The following CDH23 variants were observed in gnomAD, a reference collection of about 807,000 sequenced individuals.
CDH23 encodes the protein cadherin related 23.
A neutral mutation model predicts 317.1 loss-of-function variants in CDH23; 189 were observed. That is an observed-to-expected ratio of 0.60 (90% CI 0.53 to 0.67). The LOEUF (loss-of-function observed/expected upper bound fraction) is 0.67, where lower values mean the gene tolerates loss of function less well. Ranked by LOEUF, CDH23 falls within the 30% of genes least tolerant of loss-of-function variation. CDH23 has a pLI of 0.00. For synonymous variants in CDH23, 1,839 were observed against 1,876.8 expected (o/e 0.98, Z 0.52); for missense variants, 4,401 against 4,592.4 (o/e 0.96, Z 1.20).
chr10:71,720,122 C>T lies in CDH23; in HGVS notation c.3370-3923C>T, dbSNP rs1377576665. 2.0e-5 allele frequency among the ~76,000 whole-genome samples: 3 copies of T among 152,346 alleles called. No homozygotes were observed. In the East Asian group the frequency reaches 5.8e-4, roughly 29 times the overall value. Reference sequence around the variant, plus strand: ...TCAGTGCCTGCCAGCCACCAGGTTACCCTGGAGAGGGGCTACAAGCCATGG... The same window carrying T: ...TCAGTGCCTGCCAGCCACCAGGTTATCCTGGAGAGGGGCTACAAGCCATGG... On this transcript the variant is annotated intron_variant, in intron 28 of 69. Transcript: ENST00000224721.
intron 28 of CDH23, among the ~76,000 whole-genome samples, chr10:71,723,470 G>A (rs1341794579): frequency 2.0e-5 from 3 of 152,160 alleles, no homozygotes; most frequent in East Asian, 1.9e-4. Flanking sequence ...TCGCAGCCAC[G>A]CCAGCCAGGC....
At chr10:71,723,772 C>T (rs1866676655) in intron 28 of CDH23, among the ~76,000 whole-genome samples, 1 of 152,192 alleles carries the variant, frequency 6.6e-6, no homozygotes, top group Non-Finnish European at 1.5e-5. Context: ...CATCTTTCAC[C>T]TTCTCCCCCA....
chr10:71,809,655 T>C (rs1841854140), intron 60 of CDH23, among the ~76,000 whole-genome samples, 165 bp from the exon 61 acceptor site: 1 of 152,212 alleles, frequency 6.6e-6, no homozygotes, highest in African/African-American at 2.4e-5. Flanking sequence ...CCACTTCAGA[T>C]GGGCATCGTT....
Position 71,467,790 on chromosome 10 carries a change from G to A in CDH23, c.145+21395G>A, listed in dbSNP as rs193191496. ...GCACCTAAACAGCATTATGTGTATC[G>A]GCTCATGTTATTATCCCCACTGCGC... is the stretch of plus-strand genomic sequence containing the variant. On this transcript the variant is annotated intron_variant, in intron 3 of 69. Transcript: ENST00000224721. Among the ~76,000 whole-genome samples, 13 of 152,236 alleles carry A rather than the reference G, an allele frequency of 8.5e-5. No individual in the cohort carries two copies. The East Asian group carries it at 2.3e-3, about 27-fold the overall frequency.
intron 41 of CDH23, among the ~76,000 whole-genome samples, chr10:71,782,004 A>G (rs1294349761): frequency 6.6e-6 from 1 of 152,178 alleles, no homozygotes; most frequent in Non-Finnish European, 1.5e-5. Context: ...AGCTGGTTTC[A>G]CAGTGCACCA....
chr10:71,452,245 G>C (rs1484563140), intron 3 of CDH23, among the ~76,000 whole-genome samples: 2 of 152,134 alleles, frequency 1.3e-5, no homozygotes, highest in Non-Finnish European at 2.9e-5. Flanking sequence ...AGGGGGTCTA[G>C]AAGGGATCCT....
intron 52 of CDH23, among the ~76,000 whole-genome samples, chr10:71,800,420 T>C (rs532885557): frequency 6.6e-6 from 1 of 152,232 alleles, no homozygotes; most frequent in South Asian, 2.1e-4. Context: ...GTCAGGCAGG[T>C]AGCTCCAGGC....
chr10:71,751,381 T>C lies in CDH23; in HGVS notation c.4845+9460T>C. ...GAGGCCGTGGAACTCTTCAGGGAGGTGAATGGGGGCCCCTCTGTCCCTCAC... is the reference window on the plus strand; with the variant it reads ...GAGGCCGTGGAACTCTTCAGGGAGGCGAATGGGGGCCCCTCTGTCCCTCAC... On this transcript the variant is annotated intron_variant, in intron 38 of 69. Transcript: ENST00000224721. The surrounding 1 kb of genome is among the most constrained non-coding windows in gnomAD (Gnocchi z 4.9). 1.4e-6 allele frequency: 1 copy of C among 726,018 alleles called. No individual in the cohort carries two copies. The highest frequency in any genetic ancestry group is 3.5e-5 in the East Asian group (1 of 28,970). 45.0% of individuals were successfully genotyped at this position (726,018 alleles called of 1,614,324 possible).
chr10:71,635,025 A>C (rs1049977620), intron 11 of CDH23, among the ~76,000 whole-genome samples: 12 of 152,248 alleles, frequency 7.9e-5, no homozygotes, highest in African/African-American at 2.9e-4. Context: ...ACCATGTGAC[A>C]TGGGCTTGGC....
intron 3 of CDH23, among the ~76,000 whole-genome samples, chr10:71,506,266 G>A (rs1853632565): frequency 6.6e-6 from 1 of 152,184 alleles, no homozygotes; most frequent in African/African-American, 2.4e-5. Context: ...TCATGGGCAT[G>A]GAGTTTCCTT....
At position 71,812,800 on chromosome 10, in the gene CDH23, GCCTGATGATGACCGATA is replaced by G; in HGVS notation, c.9548_9564del (p.Asp3183AlafsTer8). ...TTGGGCGTGAGCCAGCAGCTGTCAA[GCCTGATGATGACCGATA>G]CCTGCGGGCTGCCATCCAGGAGTAT... is the stretch of plus-strand genomic sequence containing the variant. On this transcript the variant is annotated frameshift_variant, in exon 68 of 70. Transcript: ENST00000224721. LOFTEE classifies it high-confidence loss of function. 6.2e-7 allele frequency: 1 copy of G among 1,613,418 alleles called. No individual in the cohort carries two copies. The highest frequency in any genetic ancestry group is 2.2e-5 in the East Asian group (1 of 44,868).
rs1281043105 is a variant in CDH23, at chr10:71,805,961, T to C, written c.8028T>C (p.Ala2676=). The part of the protein sequence containing the change: ...IDPISGLIQT[A]QRLDRESQAV... ...CAATCAGCGGCCTCATCCAGACTGCTCAGCGCCTGGACCGCGAGTCGCAGG... is the reference window on the plus strand; with the variant it reads ...CAATCAGCGGCCTCATCCAGACTGCCCAGCGCCTGGACCGCGAGTCGCAGG... The change falls in exon 56 of 70, where the codon GCT becomes GCC. Residue 2676 remains alanine (A), a synonymous_variant. Transcript: ENST00000224721. 6 of 1,594,100 alleles carry C rather than the reference T, an allele frequency of 3.8e-6. No homozygotes were observed. In the Admixed American group the frequency reaches 1.0e-4, roughly 27 times the overall value.
chr10:71,680,104 T>C (rs1864552658), intron 17 of CDH23, among the ~76,000 whole-genome samples: 1 of 152,222 alleles, frequency 6.6e-6, no homozygotes, highest in African/African-American at 2.4e-5. Flanking sequence ...GAGCCTCAGC[T>C]CTCAGCAGCC....
At chr10:71,664,624 C>T (rs1863808913) in intron 14 of CDH23, among the ~76,000 whole-genome samples, 1 of 152,218 alleles carries the variant, frequency 6.6e-6, no homozygotes, top group Non-Finnish European at 1.5e-5. Context: ...ATACTAGCTC[C>T]ACTTAGAAAG....
In CDH23 at chr10:71,751,735, A is replaced by G; in HGVS notation, c.4845+9814A>G. On this transcript the variant is annotated intron_variant, in intron 38 of 69. Coordinates refer to ENST00000224721, the MANE Select transcript of CDH23 (RefSeq NM_022124.6). The surrounding 1 kb of genome is among the most constrained non-coding windows in gnomAD (Gnocchi z 4.9). ...GGGGGGTGCTGGGCTCCGAAAGCAGATGCCGCCCAGACTCAGAAGGCTGCC... is the reference window on the plus strand; with the variant it reads ...GGGGGGTGCTGGGCTCCGAAAGCAGGTGCCGCCCAGACTCAGAAGGCTGCC... 1 of 1,594,036 alleles carries G rather than the reference A, an allele frequency of 6.3e-7. No homozygotes were observed. Among genetic ancestry groups the G allele is most frequent in the Non-Finnish European group, 8.5e-7 (1 of 1,170,694 alleles).
intron 37 of CDH23, 70 bp from the exon 38 acceptor site, chr10:71,741,624 C>A: frequency 1.5e-6 from 2 of 1,375,084 alleles, no homozygotes; most frequent in Non-Finnish European, 1.0e-6. Context: ...CTTCGGGCTA[C>A]AGGAGCAGGT....
intron 14 of CDH23, among the ~76,000 whole-genome samples, chr10:71,649,415 C>T (rs183604077): frequency 1.1e-4 from 16 of 152,348 alleles, no homozygotes; most frequent in Middle Eastern, 3.4e-3. Flanking sequence ...GCGTCCCCAG[C>T]TCTCATCCTG....
chr10:71,644,206 G>A (rs1002296063), intron 12 of CDH23, among the ~76,000 whole-genome samples: 1 of 152,208 alleles, frequency 6.6e-6, no homozygotes, highest in African/African-American at 2.4e-5. Flanking sequence ...AGCCACTTTG[G>A]GCTGGGGCTC....
chr10:71,430,531 G>A (rs933905539), intron 1 of CDH23, among the ~76,000 whole-genome samples: 1 of 152,186 alleles, frequency 6.6e-6, no homozygotes, highest in Non-Finnish European at 1.5e-5. Context: ...AGCCTAGGCC[G>A]GGCACAGTGG....
Sources: allele counts gnomAD v4.1 joint callset (sites outside exome capture counted in the v4.1 genomes callset), GRCh38; gene constraint gnomAD v4.1.1; non-coding constraint Gnocchi (gnomAD v3.1); transcripts MANE v1.5; gene names NCBI Gene and HGNC (gene_info 2026-07-23, HGNC 2026-07-21).